The following SLC6A6 variants were observed in gnomAD, a reference collection of about 807,000 sequenced individuals.
SLC6A6 encodes the protein sodium- and chloride-dependent taurine transporter.
Under a neutral mutation model 68.8 loss-of-function variants are expected in SLC6A6, and 16 were observed. The ratio of observed to expected loss-of-function variants is 0.23; its 90% CI spans 0.16 to 0.35. The LOEUF (loss-of-function observed/expected upper bound fraction) is 0.35, where lower values mean the gene tolerates loss of function less well. SLC6A6 is among the 10% of genes least tolerant of loss of function. The pLI, the probability that SLC6A6 is intolerant of heterozygous loss-of-function variation, is 1.00. For missense variants in SLC6A6, 474 were observed against 802.8 expected (o/e 0.59, Z 4.95); for synonymous variants, 312 against 315.4 (o/e 0.99, Z 0.12).
intron 2 of SLC6A6, among the ~76,000 whole-genome samples, chr3:14,430,334 T>A (rs1699693530): frequency 1.3e-5 from 2 of 151,992 alleles, no homozygotes; most frequent in South Asian, 4.2e-4. Context: ...AGGGCACGCC[T>A]CCAAGGAGTT....
At chr3:14,405,092 C>T (rs1351302194) in intron 1 of SLC6A6, among the ~76,000 whole-genome samples, 2 of 152,192 alleles carry the variant, frequency 1.3e-5, no homozygotes, top group African/African-American at 4.8e-5. Context: ...AGTTTTGGCC[C>T]CATGGGGCTT....
chr3:14,470,568 A>T (rs1700728953), intron 9 of SLC6A6, among the ~76,000 whole-genome samples: 1 of 152,178 alleles, frequency 6.6e-6, no homozygotes, highest in Non-Finnish European at 1.5e-5. Flanking sequence ...AAACGAGCGA[A>T]TTGAGAATCT....
At chr3:14,404,759 C>G (rs534893403) in intron 1 of SLC6A6, among the ~76,000 whole-genome samples, 2 of 152,342 alleles carry the variant, frequency 1.3e-5, no homozygotes, top group Non-Finnish European at 2.9e-5. Context: ...GCTGTAAAGC[C>G]GGGCTCGGCT....
chr3:14,451,017 C>G (rs554515298), intron 5 of SLC6A6, among the ~76,000 whole-genome samples: 6 of 152,150 alleles, frequency 3.9e-5, no homozygotes, highest in Non-Finnish European at 8.8e-5. Context: ...GAGCACTGTC[C>G]CCATGCACTG....
At chr3:14,424,693 T>C (rs2124915489) in intron 2 of SLC6A6, among the ~76,000 whole-genome samples, 1 of 152,360 alleles carries the variant, frequency 6.6e-6, no homozygotes, top group Admixed American at 6.5e-5. Context: ...GTAGTGCTTG[T>C]TGTTTTGACA....
At chr3:14,428,196 C>T (rs6774615) in intron 2 of SLC6A6, among the ~76,000 whole-genome samples, 19,523 of 152,160 alleles carry the variant, frequency 0.13, 1,529 homozygotes, top group South Asian at 0.25. Flanking sequence ...GGGAGAGAGA[C>T]AGTTGGAATA....
At position 14,450,952 on chromosome 3, in the gene SLC6A6, C is replaced by T. The variant is rs1700237842; in HGVS notation, c.599+3136C>T. On this transcript the variant is annotated intron_variant, in intron 5 of 14. Coordinates refer to ENST00000622186, the MANE Select transcript of SLC6A6 (RefSeq NM_003043.6). The surrounding 1 kb of genome is among the most constrained non-coding windows in gnomAD (Gnocchi z 4.1). ...AAAACTCTTCTTTCTACCTCAAATC[C>T]CACATCCAATTCACACATCTTCTTG... Among the ~76,000 whole-genome samples, 4 of 152,190 alleles carry T rather than the reference C, an allele frequency of 2.6e-5. No homozygotes were observed. The highest frequency in any genetic ancestry group is 9.7e-5 in the African/African-American group (4 of 41,446).
At chr3:14,417,665 G>T (rs1357544835) in intron 2 of SLC6A6, among the ~76,000 whole-genome samples, 1 of 151,436 alleles carries the variant, frequency 6.6e-6, no homozygotes, top group Admixed American at 6.6e-5. Flanking sequence ...CCGGGGGATG[G>T]AGCTTGCAGC....
chr3:14,436,531 C>CTTTTTTTTTTTTT (rs58996264), intron 2 of SLC6A6, among the ~76,000 whole-genome samples: 4 of 112,580 alleles, frequency 3.6e-5, no homozygotes, highest in Non-Finnish European at 5.5e-5. Flanking sequence ...CAACAACTCC[C>CTTTTTTTTTTTTT]TTTTTTTTTT....
chr3:14,433,810 A>G (rs1489570895), intron 2 of SLC6A6, among the ~76,000 whole-genome samples: 5 of 151,044 alleles, frequency 3.3e-5, no homozygotes, highest in African/African-American at 1.2e-4. Flanking sequence ...CTCAAAAAAA[A>G]AAAAAAAAAA....
chr3:14,430,419 C>T (rs1699698143), intron 2 of SLC6A6, among the ~76,000 whole-genome samples: 1 of 152,072 alleles, frequency 6.6e-6, no homozygotes, highest in South Asian at 2.1e-4. Flanking sequence ...GTCCCCAGCA[C>T]CCCCAGAGTT....
chr3:14,447,259 T>A (rs547875398), intron 4 of SLC6A6, among the ~76,000 whole-genome samples: 7 of 151,470 alleles, frequency 4.6e-5, no homozygotes, highest in African/African-American at 1.7e-4. Flanking sequence ...CATCCATCCA[T>A]CCATCCAAAC....
chr3:14,474,376 A>G (rs1453337529), intron 10 of SLC6A6, among the ~76,000 whole-genome samples: 2 of 152,070 alleles, frequency 1.3e-5, no homozygotes, highest in South Asian at 2.1e-4. Flanking sequence ...GTTTGGGGTG[A>G]CCACACATTT....
chr3:14,423,236 CTGG>C (rs1699522182), intron 2 of SLC6A6, among the ~76,000 whole-genome samples: 1 of 152,204 alleles, frequency 6.6e-6, no homozygotes, highest in South Asian at 2.1e-4. Context: ...CGAAGTGCCT[CTGG>C]AAGGACAGAC....
chr3:14,461,689 C>G lies in SLC6A6; in HGVS notation c.732+3607C>G, dbSNP rs545078363. On this transcript the variant is annotated intron_variant, in intron 6 of 14. Transcript: ENST00000622186. ...CCAGGTCCTTTTAGCTCTGGATCCC[C>G]CAGACTGCATGACTTTGAACAAGGC... is the stretch of plus-strand genomic sequence containing the variant. Among the ~76,000 whole-genome samples the G allele has an allele frequency of 8.5e-5, 13 of 152,338 alleles. No homozygotes were observed. The South Asian group carries it at 2.5e-3, about 29-fold the overall frequency.
In SLC6A6 at chr3:14,477,307, A is replaced by G. The variant is rs141131824; in HGVS notation, c.1312A>G (p.Ile438Val). Residue 438 changes from isoleucine to valine, a missense_variant, in exon 11 of 15, where the codon ATC (isoleucine) becomes GTC (valine). Physicochemically the swap from Ile to Val is conservative, Grantham distance 29. Transcript: ENST00000622186. The surrounding 1 kb of genome is among the most constrained non-coding windows in gnomAD (Gnocchi z 4.2). Reference sequence around the variant, plus strand: ...AATCTTCATCGCCTTCGTGTGTAGCATCAGCTACCTGCTGGGGCTGACGAT... The same window carrying G: ...AATCTTCATCGCCTTCGTGTGTAGCGTCAGCTACCTGCTGGGGCTGACGAT... The part of the protein sequence containing the change: ...REIFIAFVCS[I>V]SYLLGLTMVT... The G allele has an allele frequency of 8.1e-6, 13 of 1,613,820 alleles. No homozygotes were observed. In the South Asian group the frequency reaches 1.4e-4, roughly 18 times the overall value.
At chr3:14,459,298 G>C (rs12488740) in intron 6 of SLC6A6, among the ~76,000 whole-genome samples, 8,654 of 152,294 alleles carry the variant, frequency 0.057, 361 homozygotes, top group Non-Finnish European at 0.082. Flanking sequence ...CAGCCACACA[G>C]TGGAATTGAG....
intron 2 of SLC6A6, among the ~76,000 whole-genome samples, chr3:14,417,098 C>T (rs756386571): frequency 5.3e-5 from 8 of 152,090 alleles, no homozygotes; most frequent in Non-Finnish European, 1.0e-4. Context: ...TTTGGGAGGC[C>T]AAGGCAGGAG....
Position 14,481,975 on chromosome 3 carries a change from C to A in SLC6A6, c.1722+134C>A. 1 of 699,416 alleles carries A rather than the reference C, an allele frequency of 1.4e-6. No homozygotes were observed. Among genetic ancestry groups the A allele is most frequent in the Non-Finnish European group, 2.4e-6 (1 of 413,972 alleles). 43.3% of individuals were successfully genotyped at this position (699,416 alleles called of 1,614,324 possible). A position where few individuals can be genotyped will look rare whatever the true frequency, so the allele number is the denominator to read the frequency against. ...TAGTTCCCTCACCCATCCAGTGGTT[C>A]AGCTTATGGGCAGCAGAGTGCATTG... On this transcript the variant is annotated intron_variant, in intron 14 of 14. Transcript: ENST00000622186. This position sits in a 1 kb window ranked among gnomAD's most constrained non-coding sequence, Gnocchi z 4.7.
Sources: gnomAD v4.1 joint callset for allele counts (sites outside exome capture counted in the v4.1 genomes callset) on GRCh38, gnomAD v4.1.1 for gene constraint, Gnocchi (gnomAD v3.1) non-coding constraint, MANE v1.5 for transcripts, NCBI Gene and HGNC (gene_info 2026-07-23, HGNC 2026-07-21) for gene names.